The following FBXL17 variants were observed in gnomAD, a reference collection of about 807,000 sequenced individuals.
The protein encoded by FBXL17 is F-box/LRR-repeat protein 17.
A neutral mutation model predicts 66.2 loss-of-function variants in FBXL17; 22 were observed. The ratio of observed to expected loss-of-function variants is 0.33; its 90% CI spans 0.24 to 0.47. The LOEUF (loss-of-function observed/expected upper bound fraction) is 0.47, where lower values mean the gene tolerates loss of function less well. FBXL17 is among the 20% of genes least tolerant of loss of function. The pLI is 1.00. For missense variants in FBXL17, 878 were observed against 948.2 expected, an observed-to-expected ratio of 0.93 and a Z score of 0.97; for synonymous variants, 474 against 400.5, an observed-to-expected ratio of 1.18 and a Z score of -2.19.
intron 6 of FBXL17, among the ~76,000 whole-genome samples, chr5:108,083,359 T>C (rs1748848107): frequency 6.6e-6 from 1 of 152,090 alleles, no homozygotes; most frequent in African/African-American, 2.4e-5. Flanking sequence ...CACAAAACAC[T>C]GCTCTCTAGG....
At chr5:108,114,285 G>A (rs1750153216) in intron 6 of FBXL17, among the ~76,000 whole-genome samples, 1 of 152,052 alleles carries the variant, frequency 6.6e-6, no homozygotes, top group Non-Finnish European at 1.5e-5. Flanking sequence ...TACTCTTAAA[G>A]TACTTCTGAT....
At chr5:108,275,152 G>A (rs1757433543) in intron 4 of FBXL17, among the ~76,000 whole-genome samples, 1 of 152,140 alleles carries the variant, frequency 6.6e-6, no homozygotes, top group Admixed American at 6.5e-5. Context: ...AATGAATGCT[G>A]AATAAAATGC....
intron 4 of FBXL17, among the ~76,000 whole-genome samples, chr5:108,261,336 A>T (rs1374972446): frequency 6.6e-6 from 1 of 152,060 alleles, no homozygotes; most frequent in Non-Finnish European, 1.5e-5. Context: ...AAAAAGAAAG[A>T]TCAAAGATCT....
At chr5:108,008,152 A>T (rs1457146118) in intron 7 of FBXL17, among the ~76,000 whole-genome samples, 1 of 152,246 alleles carries the variant, frequency 6.6e-6, no homozygotes, top group Non-Finnish European at 1.5e-5. Flanking sequence ...AAAAGCTGTG[A>T]CAACAAAGAA....
At chr5:108,211,231 G>A (rs897135984) in intron 5 of FBXL17, among the ~76,000 whole-genome samples, 2 of 152,150 alleles carry the variant, frequency 1.3e-5, no homozygotes, top group Non-Finnish European at 2.9e-5. Flanking sequence ...TTGCACGTGA[G>A]ATGGGTCTCC....
At chr5:108,350,089 G>C (rs1747545382) in intron 3 of FBXL17, among the ~76,000 whole-genome samples, 1 of 152,146 alleles carries the variant, frequency 6.6e-6, no homozygotes, top group African/African-American at 2.4e-5. Flanking sequence ...TATAACAAAT[G>C]TTGAGGAAAC....
At chr5:108,097,540 C>T (rs183216349) in intron 6 of FBXL17, among the ~76,000 whole-genome samples, 1 of 151,996 alleles carries the variant, frequency 6.6e-6, no homozygotes, top group Admixed American at 6.6e-5. Flanking sequence ...CCTGTAATCC[C>T]AGCACTTTGG....
At chr5:108,088,572 G>T (rs560418313) in intron 6 of FBXL17, among the ~76,000 whole-genome samples, 1 of 151,776 alleles carries the variant, frequency 6.6e-6, no homozygotes, top group Non-Finnish European at 1.5e-5. Context: ...ATGGTGGCAC[G>T]CACCTGTAGT....
chr5:107,967,536 TG>T (rs1425084709), intron 7 of FBXL17, among the ~76,000 whole-genome samples: 3 of 63,114 alleles, frequency 4.8e-5, no homozygotes, highest in African/African-American at 1.3e-4. Context: ...TGTCATGAGG[TG>T]GGGGGAGGGG....
Position 108,381,011 on chromosome 5 carries a change from ACCGCCGCCG to A in FBXL17, c.672_680del (p.Gly229_Gly231del), listed in dbSNP as rs906102490. On this transcript the variant is annotated inframe_deletion, in exon 1 of 9. Transcript: ENST00000542267. ...CTCCCCCCGCAGGCCCTCCCCCGCC[ACCGCCGCCG>A]CCGCCGCCGCCGCAGCCCCCGCCGC... is the stretch of plus-strand genomic sequence containing the variant. 197 of 1,180,694 alleles carry A rather than the reference ACCGCCGCCG, an allele frequency of 1.7e-4. 1 individual carries two copies. In the Middle Eastern group the frequency reaches 1.7e-3, roughly 10 times the overall value. The allele number at this position is 1,180,694 out of a possible 1,614,324, so 73.1% of individuals were successfully genotyped here.
At chr5:108,198,389 G>A (rs1753763732) in intron 5 of FBXL17, among the ~76,000 whole-genome samples, 1 of 152,110 alleles carries the variant, frequency 6.6e-6, no homozygotes, top group African/African-American at 2.4e-5. Context: ...CCATACTAGT[G>A]AAACAGGAGT....
chr5:108,225,494 G>A (rs1238753600), intron 4 of FBXL17, among the ~76,000 whole-genome samples: 1 of 152,122 alleles, frequency 6.6e-6, no homozygotes, highest in Non-Finnish European at 1.5e-5. Flanking sequence ...GCACACACAG[G>A]GAGAATGCCA....
intron 4 of FBXL17, among the ~76,000 whole-genome samples, chr5:108,284,100 G>C (rs1367194262): frequency 6.6e-6 from 1 of 151,830 alleles, no homozygotes; most frequent in Non-Finnish European, 1.5e-5. Context: ...ATGTAAATTA[G>C]TACAACCTCT....
chr5:107,921,397 T>A (rs181433465), intron 7 of FBXL17, among the ~76,000 whole-genome samples: 16 of 152,304 alleles, frequency 1.1e-4, no homozygotes, highest in Admixed American at 7.2e-4. Flanking sequence ...TGTAAAGTAT[T>A]AAGAAATCAG....
At chr5:108,372,887 C>A (rs952824839) in intron 1 of FBXL17, among the ~76,000 whole-genome samples, 2 of 152,098 alleles carry the variant, frequency 1.3e-5, no homozygotes, top group Non-Finnish European at 2.9e-5. Flanking sequence ...GTGCATATTA[C>A]TGTGTCTTTG....
At chr5:108,109,733 C>T (rs1422928480) in intron 6 of FBXL17, among the ~76,000 whole-genome samples, 1 of 152,000 alleles carries the variant, frequency 6.6e-6, no homozygotes, top group Non-Finnish European at 1.5e-5. Context: ...CCATACTGTA[C>T]TATGGGAATA....
At chr5:108,302,012 T>C (rs185138856) in intron 4 of FBXL17, 2 of 984,932 alleles carry the variant, frequency 2.0e-6, no homozygotes, top group Admixed American at 1.2e-4. Context: ...ATTTCTCATG[T>C]CGTGATTGGA....
chr5:107,906,655 A>C (rs1749767637), intron 7 of FBXL17, among the ~76,000 whole-genome samples: 1 of 152,194 alleles, frequency 6.6e-6, no homozygotes, highest in Non-Finnish European at 1.5e-5. Flanking sequence ...CCACTGGGTA[A>C]TCAGATAAAA....
intron 5 of FBXL17, among the ~76,000 whole-genome samples, chr5:108,207,668 CT>C (rs1754181606): frequency 6.6e-6 from 1 of 152,254 alleles, no homozygotes; most frequent in East Asian, 1.9e-4. Context: ...CTTTTTATGG[CT>C]GCATAGTTCT....
Sources: allele counts gnomAD v4.1 joint callset (sites outside exome capture counted in the v4.1 genomes callset), GRCh38; gene constraint gnomAD v4.1.1; transcripts MANE v1.5; gene names NCBI Gene and HGNC (gene_info 2026-07-23, HGNC 2026-07-21).